The following PRPF40B variants were observed in gnomAD, a reference collection of about 807,000 sequenced individuals.
The protein encoded by PRPF40B is pre-mRNA-processing factor 40 homolog B.
Under a neutral mutation model 124.5 loss-of-function variants are expected in PRPF40B, and 56 were observed. That is an observed-to-expected ratio of 0.45 (90% CI 0.36 to 0.56). The LOEUF (loss-of-function observed/expected upper bound fraction) is 0.56. Among genes scored for constraint, PRPF40B ranks in the 20% least tolerant of loss-of-function variants. PRPF40B has a pLI of 0.00. For synonymous variants in PRPF40B, 443 were observed against 426.4 expected (o/e 1.04, Z -0.48); for missense variants, 1,053 against 1,169.5 (o/e 0.90, Z 1.45).
chr12:49,629,501 A>G (rs905110926), intron 1 of PRPF40B, among the ~76,000 whole-genome samples: 3 of 152,204 alleles, frequency 2.0e-5, no homozygotes, highest in Admixed American at 1.3e-4. Flanking sequence ...AAGGTTCTAT[A>G]TAGAGATTTG....
Position 49,632,995 on chromosome 12 carries a change from T to TGGGGGGGGCGGGG in PRPF40B, c.349-18_349-17insGGGGGGGCGGGGG. 1 of 1,365,460 alleles carries TGGGGGGGGCGGGG rather than the reference T, an allele frequency of 7.3e-7. No homozygotes were observed. Among genetic ancestry groups the TGGGGGGGGCGGGG allele is most frequent in the East Asian group, 2.4e-5 (1 of 40,864 alleles). 84.6% of individuals were successfully genotyped at this position (1,365,460 alleles called of 1,614,324 possible). On this transcript the variant is annotated intron_variant, in intron 6 of 25. Transcript: ENST00000548825. ...AAAAGGGGCCTTGACCACCATTCTG[T>TGGGGGGGGCGGGG]GCCCCCCCCCCCACCCAGAGGGCCC... is the stretch of plus-strand genomic sequence containing the variant.
chr12:49,624,060 TC>T, intron 1 of PRPF40B: 1 of 988,758 alleles, frequency 1.0e-6, no homozygotes, highest in Non-Finnish European at 1.2e-6. Flanking sequence ...ACTCCCTGCT[TC>T]ACCTTCCTGC....
chr12:49,632,104 C>A lies in PRPF40B; in HGVS notation c.294+179C>A, dbSNP rs1004674320. 3.3e-5 allele frequency: 22 copies of A among 662,688 alleles called. No individual in the cohort carries two copies. In the East Asian group the frequency reaches 5.2e-4, roughly 16 times the overall value. The allele number at this position is 662,688 out of a possible 1,614,324, so 41.1% of individuals were successfully genotyped here. On this transcript the variant is annotated intron_variant, in intron 4 of 25. Transcript: ENST00000548825. Reference sequence around the variant, plus strand: ...GCCATGTACTCAGCTCTTCTAGTTTCCCACTCATCCCCAAAGGCATATACA... The same window carrying A: ...GCCATGTACTCAGCTCTTCTAGTTTACCACTCATCCCCAAAGGCATATACA...
chr12:49,636,194 A>G (rs1235463002), intron 15 of PRPF40B, among the ~76,000 whole-genome samples: 1 of 152,064 alleles, frequency 6.6e-6, no homozygotes, highest in Non-Finnish European at 1.5e-5. Flanking sequence ...TCTGGGGTCC[A>G]CTCTTGGCCT....
At chr12:49,630,216 G>C (rs1260318962) in intron 1 of PRPF40B, among the ~76,000 whole-genome samples, 1 of 152,204 alleles carries the variant, frequency 6.6e-6, no homozygotes, top group African/African-American at 2.4e-5. Context: ...GCAGGATAAT[G>C]GATTAGAAGC....
Position 49,632,996 on chromosome 12 carries a change from G to GGGGGGGGGGCCCC in PRPF40B, c.349-18_349-17insGGGGGGGGGCCCC. On this transcript the variant is annotated splice_polypyrimidine_tract_variant and intron_variant, in intron 6 of 25. Transcript: ENST00000548825. ...AAAGGGGCCTTGACCACCATTCTGTGCCCCCCCCCCCACCCAGAGGGCCCT... is the reference window on the plus strand; with the variant it reads ...AAAGGGGCCTTGACCACCATTCTGTGGGGGGGGGGCCCCCCCCCCCCCCCACCCAGAGGGCCCT... 3 of 1,147,396 alleles carry GGGGGGGGGGCCCC rather than the reference G, an allele frequency of 2.6e-6. No individual in the cohort carries two copies. The highest frequency in any genetic ancestry group is 3.6e-6 in the Non-Finnish European group (3 of 823,010). The allele number at this position is 1,147,396 out of a possible 1,614,324, so 71.1% of individuals were successfully genotyped here.
chr12:49,632,664 TGGG>T, intron 5 of PRPF40B, 41 bp downstream of exon 5: 1 of 1,610,958 alleles, frequency 6.2e-7, no homozygotes, highest in Non-Finnish European at 8.5e-7. Flanking sequence ...GCTCGGAGGT[TGGG>T]GGGCATAGGG....
At chr12:49,637,685 C>T (rs760430553) in intron 17 of PRPF40B, 48 bp from the exon 18 acceptor site, 1 of 1,475,352 alleles carries the variant, frequency 6.8e-7, no homozygotes, top group East Asian at 2.3e-5. Flanking sequence ...AGCCCCCAGG[C>T]CTTGGGAAGC....
At chr12:49,643,455 G>A in intron 23 of PRPF40B, 58 bp downstream of exon 23, 1 of 1,515,370 alleles carries the variant, frequency 6.6e-7, no homozygotes, top group Non-Finnish European at 8.8e-7. Context: ...CTGAGAGGAT[G>A]CCCTCCACAA....
rs373638860 is a variant in PRPF40B, at chr12:49,631,518, A to G, written c.202A>G (p.Met68Val). 72 of 1,546,840 alleles carry G rather than the reference A, an allele frequency of 4.7e-5. No individual in the cohort carries two copies. Among genetic ancestry groups the G allele is most frequent in the Admixed American group, 6.7e-5 (3 of 44,850 alleles). The change falls in exon 3 of 26, where the codon ATG (methionine) becomes GTG (valine). Residue 68 changes from methionine to valine, a missense_variant. Coordinates refer to ENST00000548825, the MANE Select transcript of PRPF40B (RefSeq NM_001031698.3). The surrounding 1 kb of genome is among the most constrained non-coding windows in gnomAD (Gnocchi z 4.3). ...PGILPPMLPP[M>V]GAPPPLTQIP... is the part of the protein sequence containing the mutation. ...CATCCTGCCCCCAATGCTTCCACCA[A>G]TGGGGGCGCCACCACCACTCACACA...
chr12:49,643,625 C>T, intron 23 of PRPF40B, 66 bp from the exon 24 acceptor site: 1 of 1,539,062 alleles, frequency 6.5e-7, no homozygotes. Flanking sequence ...AACAGAGGGG[C>T]TAGAACAAAG....
rs745546676 is a variant in PRPF40B, at chr12:49,641,963, T to C, written c.1823T>C (p.Ile608Thr). The C allele has an allele frequency of 6.2e-7, 1 of 1,613,972 alleles. No individual in the cohort carries two copies. The highest frequency in any genetic ancestry group is 8.5e-7 in the Non-Finnish European group (1 of 1,180,036). ...GCCTTTGAGGACTTCGCCCACGTCA[T>C]AAGCTTTGACAAGAGGGCTGCCGCA... ...NTAFEDFAHV[I>T]SFDKRAAALD... Residue 608 changes from isoleucine to threonine, a missense_variant, in exon 19 of 26, where the codon ATA becomes ACA. Physicochemically the swap from Ile to Thr is moderately conservative, Grantham distance 89. Transcript: ENST00000548825.
chr12:49,623,407 C>CG (rs1940375368), upstream of PRPF40B: 1 of 392,246 alleles, frequency 2.5e-6, no homozygotes, highest in Non-Finnish European at 4.0e-6. Flanking sequence ...GCCGGGGGGG[C>CG]GGGGCCGGGA....
chr12:49,632,996 G>GAC lies in PRPF40B; in HGVS notation c.349-18_349-17insAC. ...AAAGGGGCCTTGACCACCATTCTGT[G>GAC]CCCCCCCCCCCACCCAGAGGGCCCT... On this transcript the variant is annotated splice_polypyrimidine_tract_variant and intron_variant, in intron 6 of 25. Transcript: ENST00000548825. 3 of 1,147,388 alleles carry GAC rather than the reference G, an allele frequency of 2.6e-6. No individual in the cohort carries two copies. Among genetic ancestry groups the GAC allele is most frequent in the Admixed American group, 2.3e-5 (1 of 43,878 alleles). 71.1% of individuals were successfully genotyped at this position (1,147,388 alleles called of 1,614,324 possible).
Position 49,641,891 on chromosome 12 carries a change from C to A in PRPF40B, c.1768-17C>A. ...AGGCACGTGGTGCCCCTGCTTCATG[C>A]ACTGCTGTACCCACAGGACCGGGGC... On this transcript the variant is annotated splice_polypyrimidine_tract_variant and intron_variant, in intron 18 of 25. Coordinates refer to ENST00000548825, the MANE Select transcript of PRPF40B (RefSeq NM_001031698.3). 6.2e-7 allele frequency: 1 copy of A among 1,609,292 alleles called. No homozygotes were observed. The highest frequency in any genetic ancestry group is 8.5e-7 in the Non-Finnish European group (1 of 1,177,334).
chr12:49,633,374 T>TG, intron 7 of PRPF40B, 53 bp from the exon 8 acceptor site: 1 of 1,611,586 alleles, frequency 6.2e-7, no homozygotes. Context: ...CTCCCCTGAC[T>TG]GGCTGGAGAA....
At chr12:49,641,749 T>C (rs1275998614) in intron 18 of PRPF40B, 159 bp from the exon 19 acceptor site, 3 of 615,738 alleles carry the variant, frequency 4.9e-6, no homozygotes, top group Non-Finnish European at 8.6e-6. Flanking sequence ...TGTCAAGTGA[T>C]GAGGACTTGG....
Position 49,631,138 on chromosome 12 carries a change from T to G in PRPF40B, c.85-263T>G, listed in dbSNP as rs756042090. ...CCTTCCAGTCTCAGTCTGGTGCTGTTAAACCTCCCTTATTCCTTTCCTTTC... is the reference window on the plus strand; with the variant it reads ...CCTTCCAGTCTCAGTCTGGTGCTGTGAAACCTCCCTTATTCCTTTCCTTTC... On this transcript the variant is annotated intron_variant, in intron 2 of 25. Coordinates refer to ENST00000548825, the MANE Select transcript of PRPF40B (RefSeq NM_001031698.3). This position sits in a 1 kb window ranked among gnomAD's most constrained non-coding sequence, Gnocchi z 4.3. Among the ~76,000 whole-genome samples the G allele has an allele frequency of 5.9e-5, 9 of 152,124 alleles. No individual in the cohort carries two copies. Among genetic ancestry groups the G allele is most frequent in the Non-Finnish European group, 8.8e-5 (6 of 68,020 alleles).
intron 22 of PRPF40B, 69 bp from the exon 23 acceptor site, chr12:49,643,154 A>T (rs997620361): frequency 5.0e-6 from 8 of 1,598,946 alleles, no homozygotes; most frequent in Non-Finnish European, 6.0e-6. Flanking sequence ...TCCTCTCTCG[A>T]ATTCCCAGAC....
Sources: allele counts gnomAD v4.1 joint callset (sites outside exome capture counted in the v4.1 genomes callset), GRCh38; gene constraint gnomAD v4.1.1; non-coding constraint Gnocchi (gnomAD v3.1); transcripts MANE v1.5; gene names NCBI Gene and HGNC (gene_info 2026-07-23, HGNC 2026-07-21).